Variants in ZDHHC14 observed in about 807,000 individuals in gnomAD.
ZDHHC14 encodes zDHHC palmitoyltransferase 14, also known as palmitoyltransferase ZDHHC14.
Under a neutral mutation model 47.7 loss-of-function variants are expected in ZDHHC14, and 16 were observed. That is an observed-to-expected ratio of 0.34 (90% CI 0.23 to 0.51). ZDHHC14 has a LOEUF of 0.51. ZDHHC14 is among the 20% of genes least tolerant of loss of function. ZDHHC14 has a pLI of 0.97. For missense variants in ZDHHC14, 515 were observed against 662.5 expected, an observed-to-expected ratio of 0.78 and a Z score of 2.44; for synonymous variants, 293 against 278.9, an observed-to-expected ratio of 1.05 and a Z score of -0.50.
chr6:157,551,099 A>C (rs1201038276), intron 2 of ZDHHC14, among the ~76,000 whole-genome samples: 2 of 152,166 alleles, frequency 1.3e-5, no homozygotes, highest in Non-Finnish European at 2.9e-5. Flanking sequence ...AAGCATGGAG[A>C]GAGTGGTCTG....
At chr6:157,640,976 T>C (rs1226654177) in intron 5 of ZDHHC14, among the ~76,000 whole-genome samples, 1 of 152,212 alleles carries the variant, frequency 6.6e-6, no homozygotes, top group Non-Finnish European at 1.5e-5. Flanking sequence ...CATATGCTGA[T>C]ACGGGGGTGG....
chr6:157,444,119 C>T (rs112611810), intron 1 of ZDHHC14, among the ~76,000 whole-genome samples: 41 of 152,256 alleles, frequency 2.7e-4, no homozygotes, highest in African/African-American at 8.2e-4. Context: ...AAACAGTAAT[C>T]GTGATAGAGC....
chr6:157,538,045 T>C (rs1222725840), intron 1 of ZDHHC14, among the ~76,000 whole-genome samples: 1 of 152,180 alleles, frequency 6.6e-6, no homozygotes, highest in Non-Finnish European at 1.5e-5. Context: ...GACCTCATTG[T>C]TTAGGGTTGG....
chr6:157,462,269 G>T (rs1407244371), intron 1 of ZDHHC14, among the ~76,000 whole-genome samples: 1 of 152,174 alleles, frequency 6.6e-6, no homozygotes, highest in Non-Finnish European at 1.5e-5. Flanking sequence ...TGACGGACAT[G>T]CCTGTTCACC....
At chr6:157,407,935 C>T (rs1411357970) in intron 1 of ZDHHC14, among the ~76,000 whole-genome samples, 1 of 152,152 alleles carries the variant, frequency 6.6e-6, no homozygotes, top group East Asian at 1.9e-4. Context: ...AATGCGAGTC[C>T]TCTATGCTCT....
In ZDHHC14 at chr6:157,430,683, A is replaced by G. The variant is rs561128151; in HGVS notation, c.245+48417A>G. 2.6e-5 allele frequency among the ~76,000 whole-genome samples: 4 copies of G among 152,386 alleles called. No individual in the cohort carries two copies. The South Asian group carries it at 8.3e-4, about 32-fold the overall frequency. ...GATGAGCAGTCTTGCTTCCGTCTGC[A>G]ACGTGAATTCCCCTTTGCCATGTCA... On this transcript the variant is annotated intron_variant, in intron 1 of 8. Coordinates refer to ENST00000359775, the MANE Select transcript of ZDHHC14 (RefSeq NM_024630.3).
At chr6:157,437,791 G>A (rs1247110897) in intron 1 of ZDHHC14, among the ~76,000 whole-genome samples, 3 of 152,040 alleles carry the variant, frequency 2.0e-5, no homozygotes, top group African/African-American at 7.2e-5. Context: ...TGTGTGCTGT[G>A]ATTCATTCTT....
intron 3 of ZDHHC14, among the ~76,000 whole-genome samples, chr6:157,594,310 A>T (rs949292669): frequency 6.6e-6 from 1 of 152,196 alleles, no homozygotes. Context: ...TAGATAAATT[A>T]CTTTCAGCCT....
At chr6:157,451,681 C>G (rs1393784055) in intron 1 of ZDHHC14, among the ~76,000 whole-genome samples, 1 of 152,206 alleles carries the variant, frequency 6.6e-6, no homozygotes, top group East Asian at 1.9e-4. Flanking sequence ...GTGCCTCAGC[C>G]TCCCGAGTAG....
chr6:157,592,728 G>T, intron 2 of ZDHHC14: 3 of 1,227,436 alleles, frequency 2.4e-6, no homozygotes, highest in Non-Finnish European at 3.1e-6. Flanking sequence ...CACAGGGAGG[G>T]CCTGGCTGGG....
intron 2 of ZDHHC14, among the ~76,000 whole-genome samples, chr6:157,573,209 C>T (rs1415475152): frequency 6.6e-6 from 1 of 152,152 alleles, no homozygotes; most frequent in African/African-American, 2.4e-5. Flanking sequence ...ACCCTCTTGC[C>T]AGCTGTTGAG....
At chr6:157,521,713 C>T (rs540237862) in intron 1 of ZDHHC14, among the ~76,000 whole-genome samples, 3 of 152,198 alleles carry the variant, frequency 2.0e-5, no homozygotes, top group Admixed American at 1.3e-4. Flanking sequence ...AACATTAGGA[C>T]CATAGCAGCT....
chr6:157,515,701 G>A (rs1482791509), intron 1 of ZDHHC14, among the ~76,000 whole-genome samples: 2 of 151,688 alleles, frequency 1.3e-5, no homozygotes, highest in Admixed American at 6.6e-5. Flanking sequence ...TCCTGACCTC[G>A]TGATCCGCCC....
intron 1 of ZDHHC14, among the ~76,000 whole-genome samples, chr6:157,503,367 CCTGTCTTTTT>C (rs1312999977): frequency 4.6e-5 from 7 of 152,168 alleles, no homozygotes; most frequent in Non-Finnish European, 1.0e-4. Context: ...TTCTACTAGT[CCTGTCTTTTT>C]CTGTCTTTAG....
At chr6:157,447,582 G>A (rs950918388) in intron 1 of ZDHHC14, among the ~76,000 whole-genome samples, 1 of 152,288 alleles carries the variant, frequency 6.6e-6, no homozygotes, top group South Asian at 2.1e-4. Context: ...GGGAACAGAG[G>A]CAGGGGTGGA....
intron 2 of ZDHHC14, among the ~76,000 whole-genome samples, chr6:157,581,763 T>C (rs1783528250): frequency 6.6e-6 from 1 of 152,154 alleles, no homozygotes; most frequent in African/African-American, 2.4e-5. Context: ...CTGTTTTCCA[T>C]TTGCTTGGTA....
At chr6:157,671,273 C>G (rs542009844) in intron 8 of ZDHHC14, among the ~76,000 whole-genome samples, 1 of 152,214 alleles carries the variant, frequency 6.6e-6, no homozygotes, top group Non-Finnish European at 1.5e-5. Context: ...CTAGATCCAT[C>G]CCTTACTTTC....
chr6:157,417,161 T>C (rs34773654), intron 1 of ZDHHC14, among the ~76,000 whole-genome samples: 1 of 151,734 alleles, frequency 6.6e-6, no homozygotes, highest in East Asian at 1.9e-4. Context: ...CCTTCCAGAA[T>C]TGTATCTATG....
intron 1 of ZDHHC14, among the ~76,000 whole-genome samples, chr6:157,491,415 A>G (rs1033028221): frequency 7.9e-5 from 12 of 152,220 alleles, no homozygotes; most frequent in African/African-American, 2.4e-4. Context: ...TGCTTTGCGT[A>G]TAGTGGGCAT....
Sources: allele counts gnomAD v4.1 joint callset (sites outside exome capture counted in the v4.1 genomes callset), GRCh38; gene constraint gnomAD v4.1.1; transcripts MANE v1.5; gene names NCBI Gene and HGNC (gene_info 2026-07-23, HGNC 2026-07-21).